DPYD: variants seen among roughly 807,000 people sequenced by gnomAD.
DPYD encodes dihydropyrimidine dehydrogenase, also known as dihydropyrimidine dehydrogenase [NADP(+)].
In DPYD, 109 loss-of-function variants were observed where a neutral mutation model predicts 116.2. The observed-to-expected ratio is 0.94, with a 90% CI of 0.80 to 1.10. The LOEUF is 1.10. Among genes scored for constraint, DPYD ranks in the 50% least tolerant of loss-of-function variants. The pLI is 0.00. For synonymous variants in DPYD, 440 were observed against 432.0 expected (o/e 1.02, Z -0.23); for missense variants, 1,302 against 1,254.5 (o/e 1.04, Z -0.57).
chr1:97,105,691 A>G (rs934974923), intron 20 of DPYD, among the ~76,000 whole-genome samples: 1 of 152,136 alleles, frequency 6.6e-6, no homozygotes, highest in Non-Finnish European at 1.5e-5. Context: ...GTCAGCTGAC[A>G]TGTGGCTTAC....
chr1:97,677,425 A>G (rs917387800), intron 8 of DPYD, among the ~76,000 whole-genome samples: 1 of 152,184 alleles, frequency 6.6e-6, no homozygotes, highest in Non-Finnish European at 1.5e-5. Flanking sequence ...TTTTTCACTT[A>G]TTACTGACCA....
At chr1:97,619,098 T>C (rs892623787) in intron 8 of DPYD, among the ~76,000 whole-genome samples, 27 of 152,326 alleles carry the variant, frequency 1.8e-4, no homozygotes, top group Admixed American at 1.4e-3. Context: ...ATAAGGATTA[T>C]ATACTTTGGT....
At chr1:97,165,680 A>G (rs1656269935) in intron 20 of DPYD, among the ~76,000 whole-genome samples, 1 of 152,204 alleles carries the variant, frequency 6.6e-6, no homozygotes, top group African/African-American at 2.4e-5. Flanking sequence ...GTATCGAACA[A>G]AGATCTAATA....
chr1:97,580,877 G>A lies in DPYD; in HGVS notation c.1129-6907C>T, dbSNP rs1424027585. Among the ~76,000 whole-genome samples the A allele has an allele frequency of 2.0e-5, 3 of 152,014 alleles. 1 individual carries two copies. Among genetic ancestry groups the A allele is most frequent in the Admixed American group, 6.6e-5 (1 of 15,256 alleles). On this transcript the variant is annotated intron_variant, in intron 10 of 22. Transcript: ENST00000370192. ...TCAGTAATATTTTATCTACTAACCC[G>A]CAACCTACTCCTTGGCTATTACTTC...
At chr1:97,779,400 G>A (rs1242070461) in intron 3 of DPYD, among the ~76,000 whole-genome samples, 3 of 151,854 alleles carry the variant, frequency 2.0e-5, no homozygotes, top group Non-Finnish European at 2.9e-5. Flanking sequence ...ATTGAAAAAA[G>A]ACTGTAAACA....
chr1:97,163,807 G>A (rs1310586574), intron 20 of DPYD, among the ~76,000 whole-genome samples: 1 of 152,006 alleles, frequency 6.6e-6, no homozygotes, highest in Non-Finnish European at 1.5e-5. Context: ...GATGCTCTGG[G>A]GATTAAGTTT....
At chr1:97,307,394 G>A (rs1667237952) in intron 16 of DPYD, among the ~76,000 whole-genome samples, 1 of 151,788 alleles carries the variant, frequency 6.6e-6, no homozygotes, top group African/African-American at 2.4e-5. Context: ...GTTGCTCTTT[G>A]CATTTTAACC....
intron 4 of DPYD, among the ~76,000 whole-genome samples, chr1:97,725,807 T>C (rs1016571745): frequency 1.1e-4 from 17 of 151,614 alleles, no homozygotes; most frequent in Non-Finnish European, 1.9e-4. Flanking sequence ...AAGTAAATCA[T>C]AGATCTGGGG....
At chr1:97,810,716 C>A (rs1400057850) in intron 3 of DPYD, among the ~76,000 whole-genome samples, 1 of 152,052 alleles carries the variant, frequency 6.6e-6, no homozygotes, top group African/African-American at 2.4e-5. Context: ...CATTTTAGAT[C>A]CTTCTGAACC....
chr1:97,503,999 G>A (rs1679743562), intron 13 of DPYD, among the ~76,000 whole-genome samples: 1 of 151,956 alleles, frequency 6.6e-6, no homozygotes. Flanking sequence ...AAATGTTCAA[G>A]TAGATAACAA....
chr1:97,883,925 T>G, intron 1 of DPYD: 1 of 439,236 alleles, frequency 2.3e-6, no homozygotes, highest in Non-Finnish European at 4.3e-6. Flanking sequence ...CTATATTTGG[T>G]TTTCCAAAAA....
intron 8 of DPYD, among the ~76,000 whole-genome samples, chr1:97,653,502 A>G (rs1330971807): frequency 3.3e-5 from 5 of 151,934 alleles, no homozygotes; most frequent in Admixed American, 3.3e-4. Context: ...ACAGGGTTTC[A>G]CCATGTTGGC....
At chr1:97,348,200 C>A (rs1325650043) in intron 16 of DPYD, among the ~76,000 whole-genome samples, 8 of 152,140 alleles carry the variant, frequency 5.3e-5, no homozygotes, top group Admixed American at 1.3e-4. Flanking sequence ...TAATTCTCAG[C>A]ACTCTGGTAA....
At chr1:97,400,732 T>A (rs977331249) in intron 14 of DPYD, among the ~76,000 whole-genome samples, 1 of 152,200 alleles carries the variant, frequency 6.6e-6, no homozygotes, top group Non-Finnish European at 1.5e-5. Context: ...CTAGTTTATT[T>A]GTGTAGAGGT....
At chr1:97,486,943 T>A (rs1678672763) in intron 13 of DPYD, among the ~76,000 whole-genome samples, 2 of 151,870 alleles carry the variant, frequency 1.3e-5, no homozygotes, top group South Asian at 4.2e-4. Context: ...CATTAATTAA[T>A]GAGTAAAAAA....
intron 12 of DPYD, among the ~76,000 whole-genome samples, chr1:97,543,559 C>T (rs1375158107): frequency 6.6e-6 from 1 of 152,012 alleles, no homozygotes; most frequent in African/African-American, 2.4e-5. Context: ...TTACCTTTTC[C>T]CCCAAAACAA....
At chr1:97,527,699 T>A (rs1326310681) in intron 12 of DPYD, among the ~76,000 whole-genome samples, 1 of 151,246 alleles carries the variant, frequency 6.6e-6, no homozygotes, top group Non-Finnish European at 1.5e-5. Context: ...CATTTGGATG[T>A]GTAATGATTA....
chr1:97,721,530 A>T lies in DPYD; in HGVS notation c.463T>A (p.Leu155Met). Residue 155 changes from leucine to methionine, a missense_variant, in exon 5 of 23, where the codon TTG becomes ATG. Transcript: ENST00000370192. Reference protein sequence around the residue: ...TEEGPINIGGLQQFATEVFKA... With the variant: ...TEEGPINIGGMQQFATEVFKA... ...CATACCTCAGTAGCAAATTGCTGCA[A>T]TCCACCAATATTAATGGGTCCCTCT... 6.2e-7 allele frequency: 1 copy of T among 1,611,452 alleles called. No individual in the cohort carries two copies.
chr1:97,215,540 G>A (rs1197304349), intron 19 of DPYD, among the ~76,000 whole-genome samples: 3 of 152,050 alleles, frequency 2.0e-5, no homozygotes, highest in Non-Finnish European at 4.4e-5. Context: ...TATTCAAATT[G>A]TATGTTCAAA....
Sources: allele counts gnomAD v4.1 joint callset (sites outside exome capture counted in the v4.1 genomes callset), GRCh38; gene constraint gnomAD v4.1.1; transcripts MANE v1.5; gene names NCBI Gene and HGNC (gene_info 2026-07-23, HGNC 2026-07-21).